Variants in DNM1L observed in about 807,000 individuals in gnomAD.
DNM1L encodes dynamin-1-like protein.
A neutral mutation model predicts 92.8 loss-of-function variants in DNM1L; 33 were observed. That is an observed-to-expected ratio of 0.36 (90% CI 0.27 to 0.48). DNM1L has a LOEUF of 0.48. DNM1L is among the 20% of genes least tolerant of loss of function. The probability of loss-of-function intolerance (pLI) is 0.99; values close to 1 mark genes in which losing one functional copy is unlikely to be tolerated. For synonymous variants in DNM1L, 284 were observed against 305.0 expected, an observed-to-expected ratio of 0.93 and a Z score of 0.72; for missense variants, 485 against 888.8, an observed-to-expected ratio of 0.55 and a Z score of 5.78.
intron 19 of DNM1L, 115 bp from the exon 20 acceptor site, chr12:32,743,239 T>A: frequency 1.1e-6 from 1 of 911,294 alleles, no homozygotes; most frequent in Non-Finnish European, 1.7e-6. Flanking sequence ...TTGGTTAGTA[T>A]AAACTGGTTA....
chr12:32,688,501 A>G (rs998311629), intron 1 of DNM1L, among the ~76,000 whole-genome samples: 4 of 152,184 alleles, frequency 2.6e-5, no homozygotes, highest in Non-Finnish European at 5.9e-5. Context: ...TGTGGCCCCT[A>G]TGGTTTCTGA....
intron 1 of DNM1L, among the ~76,000 whole-genome samples, chr12:32,700,920 A>G (rs1952673849): frequency 6.6e-6 from 1 of 152,096 alleles, no homozygotes; most frequent in South Asian, 2.1e-4. Context: ...CAGGGCTGTT[A>G]TTTTCTGGTT....
At chr12:32,701,314 T>C in intron 1 of DNM1L, 101 bp from the exon 2 acceptor site, 1 of 1,112,244 alleles carries the variant, frequency 9.0e-7, no homozygotes, top group Non-Finnish European at 1.3e-6. Flanking sequence ...TAATTTTTCC[T>C]TTAAAATAAT....
intron 3 of DNM1L, 71 bp downstream of exon 3, chr12:32,707,484 G>T: frequency 9.0e-7 from 1 of 1,108,854 alleles, no homozygotes; most frequent in Non-Finnish European, 1.3e-6. Flanking sequence ...TGATAATTTA[G>T]TTTCTAATCA....
chr12:32,694,929 G>A (rs575134353), intron 1 of DNM1L, among the ~76,000 whole-genome samples: 2 of 152,244 alleles, frequency 1.3e-5, no homozygotes, highest in South Asian at 2.1e-4. Context: ...TGCACACATC[G>A]ATAATGGGTG....
intron 6 of DNM1L, among the ~76,000 whole-genome samples, chr12:32,714,535 G>A (rs1953277065): frequency 1.3e-5 from 2 of 151,954 alleles, no homozygotes; most frequent in African/African-American, 2.4e-5. Flanking sequence ...GCCTCCCAGA[G>A]TGCTGGGATT....
chr12:32,720,546 G>T, intron 7 of DNM1L, 118 bp from the exon 8 acceptor site: 1 of 1,438,742 alleles, frequency 7.0e-7, no homozygotes. Context: ...ATTATTGTGA[G>T]AATTAAATAA....
intron 1 of DNM1L, among the ~76,000 whole-genome samples, chr12:32,690,136 A>C (rs939659638): frequency 6.6e-6 from 1 of 152,220 alleles, no homozygotes. Flanking sequence ...GTGGGGGAAA[A>C]AGCACTGATA....
chr12:32,743,219 A>T, intron 19 of DNM1L, 135 bp from the exon 20 acceptor site: 2 of 779,826 alleles, frequency 2.6e-6, no homozygotes, highest in Non-Finnish European at 4.2e-6. Context: ...TTCTAATTCC[A>T]GAGAAGATAT....
chr12:32,731,655 T>G lies in DNM1L; in HGVS notation c.1356+144T>G. The G allele has an allele frequency of 8.7e-7, 1 of 1,153,124 alleles. No homozygotes were observed. The allele number at this position is 1,153,124 out of a possible 1,614,324, so 71.4% of individuals were successfully genotyped here. A position where few individuals can be genotyped will look rare whatever the true frequency, so the allele number is the denominator to read the frequency against. On this transcript the variant is annotated intron_variant, in intron 11 of 19. Coordinates refer to ENST00000549701, the MANE Select transcript of DNM1L (RefSeq NM_012062.5). This position sits in a 1 kb window ranked among gnomAD's most constrained non-coding sequence, Gnocchi z 5.1. ...ACCTGAAAGTGATTTGAAATAGGAT[T>G]CTTAAATGTAGTCTCCAAATTGAAT...
Position 32,718,954 on chromosome 12 carries a change from A to AT in DNM1L, c.740+206dup, listed in dbSNP as rs11356668. Reference sequence around the variant, plus strand: ...GCCCTAAAGGGAGAAAAGAGAGAGAATTTTTTTTTTTTTTTGAAATAGGGT... The same window carrying AT: ...GCCCTAAAGGGAGAAAAGAGAGAGAATTTTTTTTTTTTTTTTGAAATAGGGT... On this transcript the variant is annotated intron_variant, in intron 7 of 19. Coordinates refer to ENST00000549701, the MANE Select transcript of DNM1L (RefSeq NM_012062.5). 0.018 allele frequency among the ~76,000 whole-genome samples: 2,604 copies of AT among 145,902 alleles called. 61 individuals are homozygous for AT. The highest frequency in any genetic ancestry group is 0.059 in the African/African-American group (2,368 of 39,870).
At chr12:32,684,150 C>T (rs1219381968) in intron 1 of DNM1L, among the ~76,000 whole-genome samples, 4 of 152,218 alleles carry the variant, frequency 2.6e-5, no homozygotes, top group Admixed American at 2.6e-4. Flanking sequence ...ATTTTCATTA[C>T]CTGAAAAAGA....
intron 14 of DNM1L, chr12:32,737,372 G>A: frequency 1.9e-6 from 1 of 535,534 alleles, no homozygotes; most frequent in South Asian, 2.4e-5. Flanking sequence ...ATGCTTAAAA[G>A]TAGATTTAAG....
At chr12:32,710,803 TAAAAA>T (rs989016825) in intron 4 of DNM1L, 121 bp from the exon 5 acceptor site, 13 of 815,152 alleles carry the variant, frequency 1.6e-5, no homozygotes, top group Admixed American at 1.3e-4. Context: ...TTTTGATTGT[TAAAAA>T]AAAGTTTTAG....
chr12:32,734,604 T>C (rs1204440401), intron 13 of DNM1L, among the ~76,000 whole-genome samples: 1 of 152,076 alleles, frequency 6.6e-6, no homozygotes, highest in African/African-American at 2.4e-5. Context: ...ATCAGGAGTT[T>C]GAGACCAGCC....
At chr12:32,738,203 C>A in intron 15 of DNM1L, 61 bp from the exon 16 acceptor site, 1 of 1,582,424 alleles carries the variant, frequency 6.3e-7, no homozygotes, top group African/African-American at 1.3e-5. Flanking sequence ...TTTTGAATTT[C>A]AACCCATTGG....
At chr12:32,742,565 C>G in intron 18 of DNM1L, 24 bp from the exon 19 acceptor site, 1 of 1,613,692 alleles carries the variant, frequency 6.2e-7, no homozygotes, top group Non-Finnish European at 8.5e-7. Context: ...GGCTAAAATT[C>G]CATAATTTGG....
intron 1 of DNM1L, among the ~76,000 whole-genome samples, chr12:32,699,651 G>A (rs1952614749): frequency 6.6e-6 from 1 of 151,902 alleles, no homozygotes; most frequent in Non-Finnish European, 1.5e-5. Context: ...CAAAACCGCT[G>A]GGCGTGGTGT....
At chr12:32,702,146 A>G (rs183634606) in intron 2 of DNM1L, among the ~76,000 whole-genome samples, 2,445 of 150,806 alleles carry the variant, frequency 0.016, 61 homozygotes, top group Admixed American at 0.073. Flanking sequence ...AGGCAGAAGA[A>G]TCACTTGAAC....
Sources: allele counts gnomAD v4.1 joint callset (sites outside exome capture counted in the v4.1 genomes callset), GRCh38; gene constraint gnomAD v4.1.1; non-coding constraint Gnocchi (gnomAD v3.1); transcripts MANE v1.5; gene names NCBI Gene and HGNC (gene_info 2026-07-23, HGNC 2026-07-21).